The following PGAP3 variants were observed in gnomAD, a reference collection of about 807,000 sequenced individuals.
The protein encoded by PGAP3 is GPI-specific phospholipase A2-like PGAP3.
Under a neutral mutation model 40.3 loss-of-function variants are expected in PGAP3, and 31 were observed. The ratio of observed to expected loss-of-function variants is 0.77; its 90% CI spans 0.58 to 1.04. The LOEUF is 1.04. Ranked by LOEUF, PGAP3 falls within the 50% of genes least tolerant of loss-of-function variation. PGAP3 has a pLI of 0.00. For synonymous variants in PGAP3, 191 were observed against 184.5 expected, an observed-to-expected ratio of 1.04 and a Z score of -0.29; for missense variants, 413 against 423.0, an observed-to-expected ratio of 0.98 and a Z score of 0.21.
intron 3 of PGAP3, among the ~76,000 whole-genome samples, chr17:39,682,290 T>C: frequency 6.8e-6 from 1 of 147,106 alleles, no homozygotes. Context: ...GGTTTCTTTC[T>C]ATTGTTCTGT....
intron 2 of PGAP3, 171 bp from the exon 3 acceptor site, chr17:39,684,920 T>G: frequency 1.3e-6 from 1 of 754,924 alleles, no homozygotes; most frequent in Non-Finnish European, 2.1e-6. Flanking sequence ...CACCCTCCAG[T>G]GCCTAGTTAA....
intron 3 of PGAP3, among the ~76,000 whole-genome samples, chr17:39,682,763 T>A (rs191116745): frequency 7.0e-4 from 107 of 152,174 alleles, no homozygotes; most frequent in Admixed American, 4.5e-3. Flanking sequence ...TGAAACAACT[T>A]TTCTCCTCAA....
Position 39,685,936 on chromosome 17 carries a change from G to A in PGAP3, c.265C>T (p.Gln89Ter). ...CTCCAACTCACCTTGCCATGGAACT[G>A]AGGCACTTTGTGACCTTCCTGGAGG... ...LYLQEGHKVP[Q>*]FHGKWPFSRF... The change falls in exon 2 of 8, where the codon CAG becomes TAG. Residue 89 changes from glutamine to a stop codon, truncating the protein, a stop_gained. Transcript: ENST00000300658. LOFTEE classifies it high-confidence loss of function. 6.2e-7 allele frequency: 1 copy of A among 1,613,200 alleles called. No individual in the cohort carries two copies. Among genetic ancestry groups the A allele is most frequent in the Non-Finnish European group, 8.5e-7 (1 of 1,179,374 alleles).
intron 1 of PGAP3, among the ~76,000 whole-genome samples, chr17:39,686,555 ATTT>A (rs35277523): frequency 3.0e-5 from 3 of 98,508 alleles, no homozygotes; most frequent in African/African-American, 8.4e-5. Flanking sequence ...CGCACCCGGC[ATTT>A]TTTTTTTTTT....
chr17:39,684,649 G>A lies in PGAP3; in HGVS notation c.380C>T (p.Thr127Ile), dbSNP rs1085307817. The stretch of plus-strand genomic sequence containing the variant: ...CATGGGGGAGGAGGCTGGCACGAAG[G>A]TGCGGTAGCGGCAGAGCATCACCAG... ...ASLVMLCRYRTFVPASSPMYH... is the reference protein window; with the variant it reads ...ASLVMLCRYRIFVPASSPMYH... The change falls in exon 3 of 8, where the codon ACC becomes ATC. Residue 127 changes from threonine to isoleucine, a missense_variant. By Grantham distance (89) the Thr-to-Ile change is moderately conservative. Transcript: ENST00000300658. 3 of 1,614,076 alleles carry A rather than the reference G, an allele frequency of 1.9e-6. No homozygotes were observed. Among genetic ancestry groups the A allele is most frequent in the East Asian group, 2.2e-5 (1 of 44,882 alleles).
intron 1 of PGAP3, among the ~76,000 whole-genome samples, 160 bp from the exon 2 acceptor site, chr17:39,686,179 A>G (rs1363644287): frequency 1.3e-5 from 2 of 152,224 alleles, no homozygotes; most frequent in East Asian, 1.9e-4. Flanking sequence ...TGAATGAGAG[A>G]TGATGAGATG....
At chr17:39,677,487 CCTCA>C (rs1233809144) in intron 3 of PGAP3, among the ~76,000 whole-genome samples, 3 of 152,172 alleles carry the variant, frequency 2.0e-5, no homozygotes, top group African/African-American at 7.2e-5. Flanking sequence ...ATCCATTTCT[CCTCA>C]CTCAGAGTTT....
rs199638749 is a variant in PGAP3, at chr17:39,673,661, G to A, written c.558-11C>T. 1.2e-4 allele frequency: 193 copies of A among 1,613,240 alleles called. No individual in the cohort carries two copies. In the East Asian group the frequency reaches 1.7e-3, roughly 14 times the overall value. On this transcript the variant is annotated splice_polypyrimidine_tract_variant and intron_variant, in intron 5 of 7. Coordinates refer to ENST00000300658, the MANE Select transcript of PGAP3 (RefSeq NM_033419.5). ...TGCAGCCCCACGGTCCTGCCCCACC[G>A]TCCAGGGTTGCTCAGAGGGCAGGTG...
intron 5 of PGAP3, 136 bp from the exon 6 acceptor site, chr17:39,673,786 G>C: frequency 7.5e-7 from 1 of 1,325,932 alleles, no homozygotes; most frequent in South Asian, 1.4e-5. Flanking sequence ...ACAGGCCACA[G>C]CTGGGCAGCA....
intron 3 of PGAP3, among the ~76,000 whole-genome samples, chr17:39,682,003 G>A (rs1431300364): frequency 6.6e-6 from 1 of 151,314 alleles, no homozygotes; most frequent in South Asian, 2.1e-4. Context: ...GGCGGATCAC[G>A]AGATCAGGAG....
intron 3 of PGAP3, among the ~76,000 whole-genome samples, chr17:39,677,402 G>A (rs1338386745): frequency 6.6e-6 from 1 of 152,102 alleles, no homozygotes; most frequent in Admixed American, 6.6e-5. Flanking sequence ...ATTCCAGAAC[G>A]GAGACACCTC....
rs371440976 is a variant in PGAP3, at chr17:39,686,037, G to A, written c.182-18C>T. On this transcript the variant is annotated intron_variant, in intron 1 of 7. Transcript: ENST00000300658. ...GGTCCAGCCTGAAACAGACAAATGT[G>A]GCCTGGTGAACTCCCCAGCACAGAG... 28 of 1,605,442 alleles carry A rather than the reference G, an allele frequency of 1.7e-5. No homozygotes were observed. The highest frequency in any genetic ancestry group is 8.4e-5 in the Admixed American group (5 of 59,766).
At position 39,673,122 on chromosome 17, in the gene PGAP3, C is replaced by T. The variant is rs375997053; in HGVS notation, c.828G>A (p.Pro276=). 41 of 1,607,550 alleles carry T rather than the reference C, an allele frequency of 2.6e-5. No homozygotes were observed. The highest frequency in any genetic ancestry group is 3.4e-5 in the Admixed American group (2 of 58,730). Residue 276 remains proline (P), a synonymous_variant, in exon 7 of 8, where the codon CCG becomes CCA. Transcript: ENST00000300658. ...LSLLELLDFP[P]LFWVLDAHAI... is the part of the protein sequence containing the mutation. ...CATGGGCATCCAGGACCCAGAAGAG[C>T]GGTGGGAAGTCAAGCAGCTCGAGCA...
In PGAP3 at chr17:39,672,472, G is replaced by A. The variant is rs371712952; in HGVS notation, c.*331C>T. Reference sequence around the variant, plus strand: ...GCTTCAGGACCCAGCCAGGCAGCTGGGGATGTGGGGAGGAGGCTGATGGGG... The same window carrying A: ...GCTTCAGGACCCAGCCAGGCAGCTGAGGATGTGGGGAGGAGGCTGATGGGG... On this transcript the variant is annotated 3_prime_UTR_variant, in exon 8 of 8. Coordinates refer to ENST00000300658, the MANE Select transcript of PGAP3 (RefSeq NM_033419.5). The A allele has an allele frequency of 1.5e-5, 6 of 400,044 alleles. No homozygotes were observed. The East Asian group carries it at 1.5e-4, about 10-fold the overall frequency. 24.8% of individuals were successfully genotyped at this position (400,044 alleles called of 1,614,324 possible).
At chr17:39,684,854 T>G in intron 2 of PGAP3, 105 bp from the exon 3 acceptor site, 1 of 1,367,418 alleles carries the variant, frequency 7.3e-7, no homozygotes, top group Non-Finnish European at 9.7e-7. Flanking sequence ...AGCTGAGTCC[T>G]CAGCTCTGGA....
At chr17:39,676,567 C>T (rs1409224598) in intron 3 of PGAP3, 1 of 152,110 alleles carries the variant, frequency 6.6e-6, no homozygotes, top group Non-Finnish European at 1.5e-5. Flanking sequence ...CTGAAAAGCC[C>T]CTCCCCCCTG....
At chr17:39,675,296 G>A (rs933762984) in intron 3 of PGAP3, among the ~76,000 whole-genome samples, 4 of 151,858 alleles carry the variant, frequency 2.6e-5, no homozygotes, top group East Asian at 1.9e-4. Context: ...AGGACTGGAG[G>A]GGCTGTGGTG....
At chr17:39,673,813 G>T in intron 5 of PGAP3, 163 bp from the exon 6 acceptor site, 1 of 1,215,128 alleles carries the variant, frequency 8.2e-7, no homozygotes, top group Non-Finnish European at 1.1e-6. Context: ...ACAGCTCCTT[G>T]TCAGGAGCCA....
chr17:39,685,576 G>A (rs988448943), intron 2 of PGAP3, among the ~76,000 whole-genome samples: 2 of 152,038 alleles, frequency 1.3e-5, no homozygotes, highest in Admixed American at 6.6e-5. Context: ...GCATATTACT[G>A]TGAATCCAGA....
Sources: allele counts gnomAD v4.1 joint callset (sites outside exome capture counted in the v4.1 genomes callset), GRCh38; gene constraint gnomAD v4.1.1; transcripts MANE v1.5; gene names NCBI Gene and HGNC (gene_info 2026-07-23, HGNC 2026-07-21).